MYH3: variants seen among roughly 807,000 people sequenced by gnomAD.
MYH3 encodes myosin-3.
In MYH3, 130 loss-of-function variants were observed where a neutral mutation model predicts 238.0. The observed-to-expected ratio is 0.55, with a 90% CI of 0.47 to 0.63. The LOEUF is 0.63. Ranked by LOEUF, MYH3 falls within the 30% of genes least tolerant of loss-of-function variation. The pLI, the probability that MYH3 is intolerant of heterozygous loss-of-function variation, is 0.00. For missense variants in MYH3, 1,853 were observed against 2,374.9 expected (o/e 0.78, Z 4.57); for synonymous variants, 880 against 924.1 (o/e 0.95, Z 0.86).
At chr17:10,639,258 C>T in intron 24 of MYH3, 40 bp downstream of exon 24, 3 of 1,613,958 alleles carry the variant, frequency 1.9e-6, no homozygotes. Flanking sequence ...CTCTTCCAAC[C>T]CTGGAGTTCT....
At position 10,631,666 on chromosome 17, in the gene MYH3, T is replaced by C. The variant is rs200191762; in HGVS notation, c.5231A>G (p.Asp1744Gly). 1.6e-4 allele frequency: 266 copies of C among 1,614,052 alleles called. No homozygotes were observed. Among genetic ancestry groups the C allele is most frequent in the Non-Finnish European group, 2.1e-4 (242 of 1,180,036 alleles). ...DLMQLQSEVE[D>G]ASRDARNAEE... Reference sequence around the variant, plus strand: ...AGCGTTCCTTGCATCCCTGCTGGCATCTTCTACCTCACTCTGGAGCTGCAT... The same window carrying C: ...AGCGTTCCTTGCATCCCTGCTGGCACCTTCTACCTCACTCTGGAGCTGCAT... The change falls in exon 36 of 41, where the codon GAT becomes GGT. Residue 1744 changes from aspartate to glycine, a missense_variant. Transcript: ENST00000583535.
chr17:10,638,318 C>A lies in MYH3; in HGVS notation c.3454G>T (p.Glu1152Ter). Residue 1152 changes from glutamate (E) to a stop codon, truncating the protein, a stop_gained, in exon 27 of 41, where the codon GAG becomes TAG. Coordinates refer to ENST00000583535, the MANE Select transcript of MYH3 (RefSeq NM_002470.4). LOFTEE classifies it high-confidence loss of function. ...GTGGAGGTGACGCCTCCCGCCTCCT[C>A]CAGCCGCTCGCTCAGCTCCTCCAGC... The part of the protein sequence containing the change: ...RELEELSERL[E>*]EAGGVTSTQI... 1 of 1,612,702 alleles carries A rather than the reference C, an allele frequency of 6.2e-7. No homozygotes were observed.
rs375945785 is a variant in MYH3 at position 10,630,401 on chromosome 17, G to A, written c.5344C>T (p.Arg1782Trp). 31 of 1,613,972 alleles carry A rather than the reference G, an allele frequency of 1.9e-5. No homozygotes were observed. The highest frequency in any genetic ancestry group is 2.4e-5 in the Non-Finnish European group (28 of 1,180,044). The change falls in exon 37 of 41, where the codon CGG becomes TGG. Residue 1782 changes from arginine to tryptophan, a missense_variant. Transcript: ENST00000583535. Reference protein sequence around the residue: ...KEQDTSAHLERMKKNLEQTVK... With the variant: ...KEQDTSAHLEWMKKNLEQTVK... ...GTCTGTTCCAGGTTCTTCTTCATCC[G>A]CTCAAGGTGGGCGCTGGTGTCCTGC...
rs773118635 is a variant in MYH3 at position 10,629,742 on chromosome 17, C to CAA, written c.5659-10_5659-9dup. 3.1e-6 allele frequency: 5 copies of CAA among 1,614,092 alleles called. No individual in the cohort carries two copies. Among genetic ancestry groups the CAA allele is most frequent in the Non-Finnish European group, 4.2e-6 (5 of 1,180,046 alleles). On this transcript the variant is annotated splice_polypyrimidine_tract_variant and intron_variant, in intron 39 of 40. Transcript: ENST00000583535. ...AGCATTGGCTTGTTCATCCTAAAACCAAAGAGCCCAGGCAGGTTATATCAG... is the reference window on the plus strand; with the variant it reads ...AGCATTGGCTTGTTCATCCTAAAACCAAAAAGAGCCCAGGCAGGTTATATCAG...
rs377129468 is a variant in MYH3, at chr17:10,630,342, G to A, written c.5403C>T (p.Ala1801=). The A allele has an allele frequency of 8.2e-5, 132 of 1,614,080 alleles. 3 individuals are homozygous for A. In the East Asian group the frequency reaches 9.4e-4, roughly 11 times the overall value. The part of the protein sequence containing the change: ...VKDLQHRLDE[A]EQLALKGGKK... ...TCCCGCCCTTCAGCGCCAGCTGCTC[G>A]GCCTCATCTAGACGATGCTGCAGGT... Residue 1801 remains alanine, a synonymous_variant, in exon 37 of 41, where the codon GCC becomes GCT. Transcript: ENST00000583535.
At chr17:10,661,975 G>C (rs983804368), upstream of MYH3, among the ~76,000 whole-genome samples, 2 of 151,872 alleles carry the variant, frequency 1.3e-5, no homozygotes, top group African/African-American at 2.4e-5. Context: ...TCTCCTTTTA[G>C]TTCAATTCAA....
chr17:10,643,049 AAG>A, intron 14 of MYH3, 53 bp from the exon 15 acceptor site: 2 of 1,613,920 alleles, frequency 1.2e-6, no homozygotes, highest in Non-Finnish European at 1.7e-6. Context: ...TTCAGAATCA[AAG>A]ACTGTCAACA....
In MYH3 at chr17:10,640,064, T is replaced by C; in HGVS notation, c.2614A>G (p.Lys872Glu). The C allele has an allele frequency of 6.2e-7, 1 of 1,614,168 alleles. No individual in the cohort carries two copies. The highest frequency in any genetic ancestry group is 8.5e-7 in the Non-Finnish European group (1 of 1,180,032). The change falls in exon 22 of 41, where the codon AAG becomes GAG. Residue 872 changes from lysine (K) to glutamate (E), a missense_variant. Lys to Glu is a moderately conservative substitution (Grantham distance 56). This residue lies in a region of MYH3 where 678 missense variants were observed against 1,058.9 expected (regional missense o/e 0.64). Coordinates refer to ENST00000583535, the MANE Select transcript of MYH3 (RefSeq NM_002470.4). ...DELAKSEAKR[K>E]ELEEKLVTLV... ...GTCACCAGTTTTTCCTCTAGCTCCT[T>C]CCTTTTTGCCTCCGACTTGGCGAGT...
rs1315951459 is a variant in MYH3 at position 10,639,109 on chromosome 17, C to T, written c.3183G>A (p.Lys1061=). 6.2e-7 allele frequency: 1 copy of T among 1,614,054 alleles called. No homozygotes were observed. The highest frequency in any genetic ancestry group is 8.5e-7 in the Non-Finnish European group (1 of 1,180,008). ...RNKRKLEGDL[K]LAQESILDLE... is the part of the protein sequence containing the mutation. ...GATCTAATATGGACTCTTGAGCAAG[C>T]TTCAAGTCTCCTTCCAATTTCCTTT... Residue 1061 remains lysine, a synonymous_variant, in exon 25 of 41, where the codon AAG becomes AAA. Transcript: ENST00000583535.
the MYH3 span, among the ~76,000 whole-genome samples, chr17:10,662,552 G>A: frequency 6.6e-6 from 1 of 151,958 alleles, no homozygotes; most frequent in Admixed American, 6.6e-5. Context: ...CTAAGAAAAA[G>A]GACAATCTCC....
rs139978727 is a variant in MYH3 at position 10,638,178 on chromosome 17, C to T, written c.3594G>A (p.Ala1198=). 1.8e-3 allele frequency: 2,944 copies of T among 1,613,932 alleles called. 10 individuals carry two copies. The highest frequency in any genetic ancestry group is 1.8e-3 in the Non-Finnish European group (2,067 of 1,180,014). Residue 1198 remains alanine, a synonymous_variant, in exon 27 of 41, where the codon GCG becomes GCA. Transcript: ENST00000583535. ...GCTCCCCAAGCTCGGCCACACTATCCGCATGCTTCTTCCTCAGCGCGGCCA... is the reference window on the plus strand; with the variant it reads ...GCTCCCCAAGCTCGGCCACACTATCTGCATGCTTCTTCCTCAGCGCGGCCA... ...AMVAALRKKH[A]DSVAELGEQI... is the part of the protein sequence containing the mutation.
At chr17:10,653,409 G>C (rs980976899) in intron 3 of MYH3, among the ~76,000 whole-genome samples, 1 of 152,040 alleles carries the variant, frequency 6.6e-6, no homozygotes, top group Non-Finnish European at 1.5e-5. Flanking sequence ...TCCAGCCCCC[G>C]GCCCACCTCT....
rs781063695 is a variant in MYH3, at chr17:10,630,331, G to A, written c.5414C>T (p.Ala1805Val). The change falls in exon 37 of 41, where the codon GCG becomes GTG. Residue 1805 changes from alanine to valine, a missense_variant. Around this residue, in one of 3 missense-constraint regions of MYH3, gnomAD observed 1,044 missense variants for 1,192.6 expected, o/e 0.88. Coordinates refer to ENST00000583535, the MANE Select transcript of MYH3 (RefSeq NM_002470.4). ...QHRLDEAEQLALKGGKKQIQK... is the reference protein window; with the variant it reads ...QHRLDEAEQLVLKGGKKQIQK... ...GATCTGCTTCTTCCCGCCCTTCAGC[G>A]CCAGCTGCTCGGCCTCATCTAGACG... The A allele has an allele frequency of 3.2e-5, 52 of 1,614,032 alleles. No homozygotes were observed. The highest frequency in any genetic ancestry group is 4.1e-5 in the Non-Finnish European group (48 of 1,180,042).
rs375904355 is a variant in MYH3 at position 10,638,237 on chromosome 17, G to T, written c.3535C>A (p.Leu1179Met). 6.2e-7 allele frequency: 1 copy of T among 1,613,894 alleles called. No homozygotes were observed. The highest frequency in any genetic ancestry group is 8.5e-7 in the Non-Finnish European group (1 of 1,179,998). The change falls in exon 27 of 41, where the codon CTG becomes ATG. Residue 1179 changes from leucine (L) to methionine (M), a missense_variant. By Grantham distance (15) the Leu-to-Met change is conservative. This residue lies in a region of MYH3 where 1,044 missense variants were observed against 1,192.6 expected (regional missense o/e 0.88). Transcript: ENST00000583535. ...TCGTGCTGCAGTGTGGCCTCCTCCA[G>T]GTCCCTGCGCAGCTTCAGGAACTCC... Reference protein sequence around the residue: ...EAEFLKLRRDLEEATLQHEAM... With the variant: ...EAEFLKLRRDMEEATLQHEAM...
rs2074314553 is a variant in MYH3 at position 10,645,712 on chromosome 17, G to C, written c.1136C>G (p.Thr379Arg). 6.2e-7 allele frequency: 1 copy of C among 1,612,550 alleles called. No homozygotes were observed. The highest frequency in any genetic ancestry group is 8.5e-7 in the Non-Finnish European group (1 of 1,179,992). ...QREEQAEPDG[T>R]EVADKTAYLM... is the part of the protein sequence containing the mutation. ...CTGTCACACTGATTTTGTACCTTCT[G>C]TGCCATCCGGCTCGGCCTGCTCCTC... Residue 379 changes from threonine (T) to arginine (R), a missense_variant, in exon 12 of 41, where the codon ACA (threonine) becomes AGA (arginine). This residue lies in a region of MYH3 where 678 missense variants were observed against 1,058.9 expected (regional missense o/e 0.64). Transcript: ENST00000583535.
intron 28 of MYH3, among the ~76,000 whole-genome samples, chr17:10,636,411 C>T (rs1301324291): frequency 1.3e-5 from 2 of 150,874 alleles, no homozygotes; most frequent in African/African-American, 4.9e-5. Flanking sequence ...CACCTAATAA[C>T]TCCCATCAGA....
chr17:10,658,168 TGTG>T (rs2074452960), upstream of MYH3, among the ~76,000 whole-genome samples: 1 of 152,084 alleles, frequency 6.6e-6, no homozygotes, highest in Admixed American at 6.6e-5. Flanking sequence ...GTCTAACAAA[TGTG>T]GTCATCTCTA....
the MYH3 span, among the ~76,000 whole-genome samples, chr17:10,665,471 T>C: frequency 3.2e-4 from 48 of 152,278 alleles, no homozygotes; most frequent in Middle Eastern, 3.4e-3. Flanking sequence ...ACTGAATTTT[T>C]GTTTAAAGCA....
At chr17:10,644,984 A>G (rs189273333) in intron 12 of MYH3, among the ~76,000 whole-genome samples, 33 of 152,274 alleles carry the variant, frequency 2.2e-4, no homozygotes, top group African/African-American at 6.5e-4. Context: ...AGCTATGGGC[A>G]TCGGAGGCCC....
Sources: allele counts gnomAD v4.1 joint callset (sites outside exome capture counted in the v4.1 genomes callset), GRCh38; gene constraint gnomAD v4.1.1; regional missense constraint gnomAD v4.1.1; transcripts MANE v1.5; gene names NCBI Gene and HGNC (gene_info 2026-07-23, HGNC 2026-07-21).